DTD1: variants seen among roughly 807,000 people sequenced by gnomAD.
The protein encoded by DTD1 is D-aminoacyl-tRNA deacylase 1.
In DTD1, 13 loss-of-function variants were observed where a neutral mutation model predicts 25.6. The ratio of observed to expected loss-of-function variants is 0.51; its 90% CI spans 0.33 to 0.81. The LOEUF is 0.81. Among genes scored for constraint, DTD1 ranks in the 30% least tolerant of loss-of-function variants. The pLI is 0.02. For synonymous variants in DTD1, 110 were observed against 103.6 expected, an observed-to-expected ratio of 1.06 and a Z score of -0.37; for missense variants, 193 against 266.4, an observed-to-expected ratio of 0.72 and a Z score of 1.92.
At chr20:18,595,923 A>C in intron 2 of DTD1, 83 bp from the exon 3 acceptor site, 1 of 1,191,882 alleles carries the variant, frequency 8.4e-7, no homozygotes, top group Non-Finnish European at 1.3e-6. Flanking sequence ...TTTGACCGGA[A>C]GCTGGTGACA....
intron 4 of DTD1, among the ~76,000 whole-genome samples, chr20:18,671,408 T>C (rs2060950775): frequency 6.6e-6 from 1 of 152,184 alleles, no homozygotes; most frequent in South Asian, 2.1e-4. Flanking sequence ...CTCAAGGCCT[T>C]TATCCCGTCT....
intron 4 of DTD1, among the ~76,000 whole-genome samples, chr20:18,727,000 G>A (rs759368583): frequency 1.3e-5 from 2 of 152,256 alleles, no homozygotes; most frequent in Non-Finnish European, 2.9e-5. Context: ...GGCTGGCTGA[G>A]AGTCTGTGAG....
chr20:18,692,400 A>G (rs1600372329), intron 4 of DTD1, among the ~76,000 whole-genome samples: 1 of 152,152 alleles, frequency 6.6e-6, no homozygotes, highest in Non-Finnish European at 1.5e-5. Context: ...TCCTTTGGCT[A>G]TTTGCCAGGG....
intron 3 of DTD1, 136 bp downstream of exon 3, chr20:18,596,377 T>G (rs1168084483): frequency 1.2e-5 from 8 of 691,764 alleles, no homozygotes; most frequent in African/African-American, 1.8e-5. Flanking sequence ...AACCACATAC[T>G]AGCTGCTGCT....
At chr20:18,643,219 G>A (rs1157745676) in intron 4 of DTD1, 5 of 284,868 alleles carry the variant, frequency 1.8e-5, no homozygotes, top group South Asian at 3.4e-5. Context: ...CCAGCCTGGA[G>A]CACCAATTTA....
At chr20:18,645,485 G>T (rs910194975) in intron 4 of DTD1, among the ~76,000 whole-genome samples, 2 of 152,202 alleles carry the variant, frequency 1.3e-5, no homozygotes, top group African/African-American at 4.8e-5. Context: ...AGCTTTGGAG[G>T]TGTGGCCTCA....
intron 1 of DTD1, among the ~76,000 whole-genome samples, chr20:18,592,874 G>A (rs2060595583): frequency 6.6e-6 from 1 of 151,830 alleles, no homozygotes; most frequent in African/African-American, 2.4e-5. Flanking sequence ...TTAGAGATGG[G>A]ATTTCGCCAT....
rs2061376769 is a variant in DTD1, at chr20:18,765,621, A to G, written c.*2281A>G. 1 of 152,196 alleles carries G rather than the reference A, an allele frequency of 6.6e-6. No homozygotes were observed. Among genetic ancestry groups the G allele is most frequent in the Non-Finnish European group, 1.5e-5 (1 of 68,036 alleles). 9.4% of individuals were successfully genotyped at this position (152,196 alleles called of 1,614,324 possible). A position where few individuals can be genotyped will look rare whatever the true frequency, so the allele number is the denominator to read the frequency against. ...GATTATAGAGAAAAATGAAAGCTCA[A>G]GAAGAAACCCCATAATATCTGCAGC... On this transcript the variant is annotated 3_prime_UTR_variant, in exon 6 of 6. Coordinates refer to ENST00000377452, the MANE Select transcript of DTD1 (RefSeq NM_080820.6).
intron 3 of DTD1, among the ~76,000 whole-genome samples, chr20:18,598,990 G>C (rs181824880): frequency 2.0e-5 from 3 of 152,012 alleles, no homozygotes; most frequent in East Asian, 1.9e-4. Flanking sequence ...CTTTGACTTA[G>C]TAGTATGCAT....
rs73601837 is a variant in DTD1 at position 18,589,993 on chromosome 20, A to T, written c.43+1878A>T. ...CATTGTAATGGAAAGGGATTTTCTG[A>T]TTCCTTTAAAATGTGGCTGGTTTCA... On this transcript the variant is annotated intron_variant, in intron 1 of 5. Transcript: ENST00000377452. Among the ~76,000 whole-genome samples the T allele has an allele frequency of 7.1e-4, 108 of 152,302 alleles. 4 individuals are homozygous for T. In the East Asian group the frequency reaches 0.019, roughly 27 times the overall value.
intron 2 of DTD1, among the ~76,000 whole-genome samples, chr20:18,595,686 G>A (rs947262163): frequency 2.0e-5 from 3 of 152,112 alleles, no homozygotes; most frequent in Non-Finnish European, 4.4e-5. Context: ...ACATATCCCC[G>A]ACCTAAAGGA....
At chr20:18,715,919 G>A (rs1306672238) in intron 4 of DTD1, among the ~76,000 whole-genome samples, 1 of 152,106 alleles carries the variant, frequency 6.6e-6, no homozygotes, top group African/African-American at 2.4e-5. Flanking sequence ...GTCTGTTGTT[G>A]GCACTGACTC....
rs2061372327 is a variant in DTD1 at position 18,763,885 on chromosome 20, A to T, written c.*545A>T. 6.6e-6 allele frequency: 1 copy of T among 152,222 alleles called. No homozygotes were observed. Among genetic ancestry groups the T allele is most frequent in the Non-Finnish European group, 1.5e-5 (1 of 68,040 alleles). The allele number at this position is 152,222 out of a possible 1,614,324, so 9.4% of individuals were successfully genotyped here. A position where few individuals can be genotyped will look rare whatever the true frequency, so the allele number is the denominator to read the frequency against. On this transcript the variant is annotated 3_prime_UTR_variant, in exon 6 of 6. Coordinates refer to ENST00000377452, the MANE Select transcript of DTD1 (RefSeq NM_080820.6). ...TAAAAATAAATAATAATAAAATCCT[A>T]AATCTCAACAAACCACTTTATTATC... is the stretch of plus-strand genomic sequence containing the variant.
At chr20:18,630,342 A>T (rs2060780616) in intron 4 of DTD1, 1 of 151,982 alleles carries the variant, frequency 6.6e-6, no homozygotes, top group Admixed American at 6.6e-5. Flanking sequence ...ACCTTATTTG[A>T]AGTTCACTAG....
At chr20:18,739,746 TA>T (rs11480174) in intron 4 of DTD1, among the ~76,000 whole-genome samples, 7 of 150,666 alleles carry the variant, frequency 4.6e-5, no homozygotes, top group African/African-American at 1.2e-4. Flanking sequence ...TTTGTTTCCT[TA>T]AAAAAAAAAA....
chr20:18,684,548 A>G (rs1322596834), intron 4 of DTD1, among the ~76,000 whole-genome samples: 1 of 152,104 alleles, frequency 6.6e-6, no homozygotes, highest in Non-Finnish European at 1.5e-5. Flanking sequence ...AGGCCTCCCA[A>G]AGTGCTGGGA....
intron 3 of DTD1, among the ~76,000 whole-genome samples, chr20:18,614,199 C>T (rs2060699804): frequency 6.6e-6 from 1 of 152,156 alleles, no homozygotes; most frequent in African/African-American, 2.4e-5. Flanking sequence ...CAGGTTTTCC[C>T]AGCATGCTCC....
chr20:18,747,635 T>C (rs1035712736), intron 5 of DTD1, among the ~76,000 whole-genome samples: 1 of 152,222 alleles, frequency 6.6e-6, no homozygotes, highest in African/African-American at 2.4e-5. Flanking sequence ...TGCTCAGGCA[T>C]GGCCCATGTC....
chr20:18,690,721 T>G (rs769776075), intron 4 of DTD1, among the ~76,000 whole-genome samples: 5 of 151,146 alleles, frequency 3.3e-5, no homozygotes, highest in Non-Finnish European at 7.3e-5. Context: ...TTTGTACCAG[T>G]ATCATGCTGT....
Sources: allele counts gnomAD v4.1 joint callset (sites outside exome capture counted in the v4.1 genomes callset), GRCh38; gene constraint gnomAD v4.1.1; transcripts MANE v1.5; gene names NCBI Gene and HGNC (gene_info 2026-07-23, HGNC 2026-07-21).